Variants in KCNMA1 observed in about 807,000 individuals in gnomAD.
KCNMA1 encodes the protein Calcium-activated potassium channel subunit alpha-1.
A neutral mutation model predicts 140.0 loss-of-function variants in KCNMA1; 29 were observed. That is an observed-to-expected ratio of 0.21 (90% CI 0.15 to 0.28). The LOEUF (loss-of-function observed/expected upper bound fraction) is 0.28, where lower values mean the gene tolerates loss of function less well. Ranked by LOEUF, KCNMA1 falls within the 10% of genes least tolerant of loss-of-function variation. The probability of loss-of-function intolerance (pLI) is 1.00; values close to 1 mark genes in which losing one functional copy is unlikely to be tolerated. For missense variants in KCNMA1, 880 were observed against 1,602.2 expected (o/e 0.55, Z 7.70); for synonymous variants, 612 against 611.9 (o/e 1.00, Z 0.00).
At chr10:76,929,645 G>C (rs546407770) in intron 23 of KCNMA1, among the ~76,000 whole-genome samples, 83 of 152,306 alleles carry the variant, frequency 5.4e-4, no homozygotes, top group Admixed American at 1.0e-3. Flanking sequence ...GAGTAAGTAA[G>C]GGGCTAGGCT....
intron 2 of KCNMA1, among the ~76,000 whole-genome samples, chr10:77,342,207 C>T (rs550572542): frequency 3.5e-4 from 53 of 152,176 alleles, no homozygotes; most frequent in Non-Finnish European, 6.6e-4. Context: ...CCAATCTAAG[C>T]AATAACAACA....
chr10:77,542,216 T>C (rs2060341391), intron 1 of KCNMA1, among the ~76,000 whole-genome samples: 1 of 152,170 alleles, frequency 6.6e-6, no homozygotes, highest in African/African-American at 2.4e-5. Flanking sequence ...TTGTGAGAAA[T>C]AAATTTCTAC....
chr10:77,324,971 CTGTGTGTG>C (rs144907110), intron 2 of KCNMA1, among the ~76,000 whole-genome samples: 9 of 90,374 alleles, frequency 1.0e-4, no homozygotes, highest in Admixed American at 6.1e-4. Context: ...CTCTCTCTCT[CTGTGTGTG>C]TGTGTGTGTG....
At chr10:77,341,262 G>A (rs1428452623) in intron 2 of KCNMA1, among the ~76,000 whole-genome samples, 1 of 152,224 alleles carries the variant, frequency 6.6e-6, no homozygotes, top group Admixed American at 6.5e-5. Context: ...GGCACATACT[G>A]TCTTCTCAAT....
intron 3 of KCNMA1, among the ~76,000 whole-genome samples, chr10:77,236,328 T>C (rs2055439340): frequency 6.6e-6 from 1 of 152,210 alleles, no homozygotes; most frequent in East Asian, 1.9e-4. Context: ...TTCCCTGTAA[T>C]AAATTGTAAC....
chr10:77,358,978 T>G (rs1179587385), intron 2 of KCNMA1, among the ~76,000 whole-genome samples: 1 of 152,166 alleles, frequency 6.6e-6, no homozygotes, highest in Non-Finnish European at 1.5e-5. Flanking sequence ...CAGTTTCCCC[T>G]TCATGCTAAA....
chr10:77,090,701 C>A, intron 9 of KCNMA1, 191 bp from the exon 10 acceptor site: 1 of 607,000 alleles, frequency 1.6e-6, no homozygotes, highest in Middle Eastern at 4.4e-4. Context: ...GGTGCTGAGA[C>A]TCCTAGACAG....
intron 10 of KCNMA1, among the ~76,000 whole-genome samples, chr10:77,088,468 G>C (rs2096744014): frequency 6.7e-6 from 1 of 149,050 alleles, no homozygotes. Flanking sequence ...GTTTTTTGGA[G>C]ACAGGGACTG....
chr10:77,424,997 C>A (rs1408801154), intron 1 of KCNMA1, among the ~76,000 whole-genome samples: 1 of 152,210 alleles, frequency 6.6e-6, no homozygotes, highest in Non-Finnish European at 1.5e-5. Flanking sequence ...CAGGGCCTAG[C>A]ACTGGGCCTG....
intron 1 of KCNMA1, among the ~76,000 whole-genome samples, chr10:77,609,630 C>T (rs544879366): frequency 1.7e-4 from 26 of 152,130 alleles, no homozygotes; most frequent in Admixed American, 5.9e-4. Flanking sequence ...ATAATGCATA[C>T]GATAATTAGC....
At chr10:77,153,682 C>T (rs892586424) in intron 5 of KCNMA1, among the ~76,000 whole-genome samples, 1 of 152,080 alleles carries the variant, frequency 6.6e-6, no homozygotes, top group African/African-American at 2.4e-5. Flanking sequence ...TTTTAATGAA[C>T]CCAAACCCAC....
At chr10:77,507,422 C>T (rs1353410562) in intron 1 of KCNMA1, among the ~76,000 whole-genome samples, 1 of 152,176 alleles carries the variant, frequency 6.6e-6, no homozygotes, top group African/African-American at 2.4e-5. Context: ...GCAGACTACC[C>T]CCACTGCCCC....
intron 15 of KCNMA1, 122 bp downstream of exon 15, chr10:77,039,406 C>G (rs878946394): frequency 5.5e-6 from 4 of 724,138 alleles, no homozygotes; most frequent in Admixed American, 4.0e-5. Context: ...GCCGAGCACA[C>G]GGGATACCCT....
chr10:76,933,738 G>A (rs1036841110), intron 23 of KCNMA1, among the ~76,000 whole-genome samples: 2 of 152,114 alleles, frequency 1.3e-5, no homozygotes, highest in Non-Finnish European at 2.9e-5. Context: ...ACATCTGGTA[G>A]AACATCTCTC....
At chr10:77,312,634 A>G (rs1224403994) in intron 2 of KCNMA1, among the ~76,000 whole-genome samples, 3 of 152,216 alleles carry the variant, frequency 2.0e-5, no homozygotes, top group Non-Finnish European at 2.9e-5. Flanking sequence ...TCAAAAAATA[A>G]AGAATGCCAA....
intron 2 of KCNMA1, among the ~76,000 whole-genome samples, chr10:77,281,658 A>T (rs1245700066): frequency 2.0e-5 from 3 of 152,160 alleles, no homozygotes; most frequent in African/African-American, 7.2e-5. Flanking sequence ...TGACTGCCTT[A>T]TGATGGGATG....
At chr10:77,546,956 G>C (rs1385362506) in intron 1 of KCNMA1, among the ~76,000 whole-genome samples, 1 of 152,158 alleles carries the variant, frequency 6.6e-6, no homozygotes, top group African/African-American at 2.4e-5. Flanking sequence ...CTTTGCCTGA[G>C]GATCTTACCT....
At chr10:76,914,185 G>T in intron 24 of KCNMA1, 1 of 1,361,468 alleles carries the variant, frequency 7.3e-7, no homozygotes, top group Non-Finnish European at 1.0e-6. Context: ...GTGGAGGAAA[G>T]TACAGAAAAA....
intron 2 of KCNMA1, among the ~76,000 whole-genome samples, chr10:77,260,048 C>A (rs2061626328): frequency 6.6e-6 from 1 of 151,964 alleles, no homozygotes; most frequent in Non-Finnish European, 1.5e-5. Context: ...TGAGTGAGAC[C>A]CTGAAGTTTA....
Sources: gnomAD v4.1 joint callset for allele counts (sites outside exome capture counted in the v4.1 genomes callset) on GRCh38, gnomAD v4.1.1 for gene constraint, MANE v1.5 for transcripts, NCBI Gene and HGNC (gene_info 2026-07-23, HGNC 2026-07-21) for gene names.